Variants in GRAMD4 observed in about 807,000 individuals in gnomAD.
GRAMD4 encodes GRAM domain containing 4, also known as GRAM domain-containing protein 4.
GRAMD4 carries 25 observed loss-of-function variants against 83.9 expected under a neutral mutation model. The observed-to-expected ratio is 0.30, with a 90% confidence interval of 0.22 to 0.42. The LOEUF (loss-of-function observed/expected upper bound fraction) is 0.42. GRAMD4 is among the 10% of genes least tolerant of loss of function. The pLI, the probability that GRAMD4 is intolerant of heterozygous loss-of-function variation, is 1.00. For missense variants in GRAMD4, 593 were observed against 788.7 expected (o/e 0.75, Z 2.97); for synonymous variants, 336 against 320.9 (o/e 1.05, Z -0.50).
chr22:46,626,830 A>G lies in GRAMD4; in HGVS notation c.31A>G (p.Arg11Gly), dbSNP rs946790915. The change falls in exon 2 of 19, where the codon AGA becomes GGA. Residue 11 changes from arginine (R) to glycine (G), a missense_variant. Physicochemically the swap from Arg to Gly is moderately radical, Grantham distance 125. Around this residue, in one of 4 missense-constraint regions of GRAMD4, gnomAD observed 312 missense variants for 350.7 expected, o/e 0.89. Coordinates refer to ENST00000406902, the MANE Select transcript of GRAMD4 (RefSeq NM_015124.5). MLRRLDKIRF[R>G]GHKRDDFLDL... ...AAGGAGGTTGGACAAAATCAGGTTC[A>G]GAGGTCACAAGAGAGATGACTTCCT... 2 of 1,613,716 alleles carry G rather than the reference A, an allele frequency of 1.2e-6. No individual in the cohort carries two copies. Among genetic ancestry groups the G allele is most frequent in the African/African-American group, 2.7e-5 (2 of 74,934 alleles).
At chr22:46,644,204 G>A (rs534823447) in intron 3 of GRAMD4, among the ~76,000 whole-genome samples, 1 of 152,214 alleles carries the variant, frequency 6.6e-6, no homozygotes, top group Admixed American at 6.5e-5. Context: ...TGTTACACCT[G>A]TCCCTGTTCC....
intron 3 of GRAMD4, among the ~76,000 whole-genome samples, chr22:46,648,547 G>A (rs1249585756): frequency 6.6e-6 from 1 of 151,478 alleles, no homozygotes; most frequent in Non-Finnish European, 1.5e-5. Flanking sequence ...ATGGGAGAAG[G>A]GATGGTTAGA....
At chr22:46,598,702 C>T (rs1473136779) in intron 1 of GRAMD4, among the ~76,000 whole-genome samples, 1 of 150,750 alleles carries the variant, frequency 6.6e-6, no homozygotes, top group Non-Finnish European at 1.5e-5. Context: ...GCCTGTGGTG[C>T]AGCTCCGAGC....
At chr22:46,576,762 C>T (rs1269174896), upstream of GRAMD4, among the ~76,000 whole-genome samples, 1 of 139,906 alleles carries the variant, frequency 7.1e-6, no homozygotes, top group Non-Finnish European at 1.5e-5. Flanking sequence ...TCCCGCGGGG[C>T]GCGGGCGAGG....
At position 46,658,100 on chromosome 22, in the gene GRAMD4, C is replaced by CT. The variant is rs2082270737; in HGVS notation, c.284-86dup. ...CGGAGCAGAGACCCCTCTGCTGTTT[C>CT]TGAGTCAGGCACCCCTGCCCCAGCA... On this transcript the variant is annotated intron_variant, in intron 3 of 18. Coordinates refer to ENST00000406902, the MANE Select transcript of GRAMD4 (RefSeq NM_015124.5). The CT allele has an allele frequency of 1.9e-6, 3 of 1,543,566 alleles. No homozygotes were observed. The East Asian group carries it at 6.8e-5, about 35-fold the overall frequency.
At chr22:46,601,141 C>T (rs2081308468) in intron 1 of GRAMD4, among the ~76,000 whole-genome samples, 1 of 151,330 alleles carries the variant, frequency 6.6e-6, no homozygotes, top group Non-Finnish European at 1.5e-5. Flanking sequence ...GAGACTCTGT[C>T]TCAAAGAAAA....
chr22:46,588,051 A>G (rs2081168622), intron 1 of GRAMD4: 10 of 678,474 alleles, frequency 1.5e-5, no homozygotes, highest in African/African-American at 2.0e-5. Context: ...GGGTTTAGAG[A>G]GAGACTCTGG....
At chr22:46,597,038 C>G (rs1015824143) in intron 1 of GRAMD4, among the ~76,000 whole-genome samples, 10 of 152,316 alleles carry the variant, frequency 6.6e-5, no homozygotes, top group Admixed American at 2.0e-4. Flanking sequence ...CTGGTTAAAC[C>G]AGGTCTCCAC....
intron 3 of GRAMD4, among the ~76,000 whole-genome samples, chr22:46,645,269 C>T (rs1010140481): frequency 3.9e-5 from 6 of 152,146 alleles, no homozygotes; most frequent in Admixed American, 1.3e-4. Flanking sequence ...GTCCCATTCT[C>T]ACTCCCATCT....
chr22:46,580,598 G>A (rs981398542), intron 1 of GRAMD4, among the ~76,000 whole-genome samples: 1 of 152,210 alleles, frequency 6.6e-6, no homozygotes, highest in Non-Finnish European at 1.5e-5. Context: ...TGGCTGCTGG[G>A]GATATGTAAT....
chr22:46,598,229 G>A (rs1355773011), intron 1 of GRAMD4, among the ~76,000 whole-genome samples: 1 of 152,028 alleles, frequency 6.6e-6, no homozygotes, highest in Non-Finnish European at 1.5e-5. Flanking sequence ...TGATCCTCCC[G>A]CCTCAGCCTC....
At chr22:46,627,005 C>A in intron 2 of GRAMD4, 44 bp downstream of exon 2, 1 of 1,431,614 alleles carries the variant, frequency 7.0e-7, no homozygotes, top group Non-Finnish European at 9.8e-7. Context: ...GGGGTGTCGT[C>A]CCCGTCCTCT....
intron 1 of GRAMD4, among the ~76,000 whole-genome samples, chr22:46,612,580 C>G (rs889942065): frequency 8.5e-5 from 13 of 152,382 alleles, no homozygotes; most frequent in African/African-American, 3.1e-4. Context: ...TAAGCCTGGA[C>G]TGTGGCCCAG....
intron 1 of GRAMD4, among the ~76,000 whole-genome samples, chr22:46,581,572 CTT>C (rs1031803960): frequency 6.6e-6 from 1 of 152,260 alleles, no homozygotes; most frequent in Non-Finnish European, 1.5e-5. Context: ...TGAGACTTCT[CTT>C]TTTGCTGTCA....
At chr22:46,619,657 C>G (rs1853114762), upstream of GRAMD4, among the ~76,000 whole-genome samples, 1 of 152,230 alleles carries the variant, frequency 6.6e-6, no homozygotes, top group African/African-American at 2.4e-5. Context: ...CCTGTTCACT[C>G]TGCAAAGCCC....
At chr22:46,627,580 G>A (rs753641986) in intron 2 of GRAMD4, among the ~76,000 whole-genome samples, 3 of 152,338 alleles carry the variant, frequency 2.0e-5, no homozygotes, top group Middle Eastern at 3.4e-3. Context: ...AGGGCCCGAA[G>A]CATGGTGGGT....
At chr22:46,646,721 A>G (rs2082077435) in intron 3 of GRAMD4, among the ~76,000 whole-genome samples, 1 of 151,914 alleles carries the variant, frequency 6.6e-6, no homozygotes, top group South Asian at 2.1e-4. Flanking sequence ...CTGCTCTTAC[A>G]GTTTCTCTGG....
chr22:46,628,026 C>T (rs543130573), intron 2 of GRAMD4, among the ~76,000 whole-genome samples: 17 of 152,312 alleles, frequency 1.1e-4, no homozygotes, highest in East Asian at 3.9e-4. Context: ...CTGCCTTCGC[C>T]GGAGAGCTGT....
At chr22:46,674,177 G>A (rs2082559029) in intron 15 of GRAMD4, among the ~76,000 whole-genome samples, 1 of 152,246 alleles carries the variant, frequency 6.6e-6, no homozygotes, top group Non-Finnish European at 1.5e-5. Flanking sequence ...GAGCCACCAG[G>A]GGACAGGTGA....
Sources: allele counts gnomAD v4.1 joint callset (sites outside exome capture counted in the v4.1 genomes callset), GRCh38; gene constraint gnomAD v4.1.1; regional missense constraint gnomAD v4.1.1; transcripts MANE v1.5; gene names NCBI Gene and HGNC (gene_info 2026-07-23, HGNC 2026-07-21).